The following CA5B variants were observed in gnomAD, a reference collection of about 807,000 sequenced individuals.
CA5B encodes carbonic anhydrase 5B, mitochondrial.
Under a neutral mutation model 23.1 loss-of-function variants are expected in CA5B, and 15 were observed. The ratio of observed to expected loss-of-function variants is 0.65; its 90% CI spans 0.43 to 1.00. The LOEUF is 1.00. Among genes scored for constraint, CA5B ranks in the 50% least tolerant of loss-of-function variants. The probability of loss-of-function intolerance (pLI) is 0.00; values close to 1 mark genes in which losing one functional copy is unlikely to be tolerated. For synonymous variants in CA5B, 84 were observed against 98.5 expected (o/e 0.85, Z 0.87); for missense variants, 236 against 252.2 (o/e 0.94, Z 0.43).
intron 3 of CA5B, among the ~76,000 whole-genome samples, chrX:15,771,041 T>TA (rs1421915970): frequency 2.8e-5 from 3 of 106,988 alleles, no homozygotes; most frequent in Non-Finnish European, 3.9e-5. Flanking sequence ...GTGCTAGGAT[T>TA]ACAGGCATGA....
At chrX:15,742,966 A>C (rs757306255) in intron 1 of CA5B, among the ~76,000 whole-genome samples, 1 of 112,493 alleles carries the variant, frequency 8.9e-6, no homozygotes, top group Admixed American at 9.4e-5. Flanking sequence ...TCATCTGATC[A>C]AAAATGTCAA....
At chrX:15,745,504 TTA>T (rs1435481765) in intron 1 of CA5B, 1 of 112,602 alleles carries the variant, frequency 8.9e-6, no homozygotes, top group Non-Finnish European at 1.9e-5. Context: ...ATGATAACTA[TTA>T]TATATGTTTT....
intron 4 of CA5B, 50 bp downstream of exon 4, chrX:15,772,664 A>G: frequency 2.8e-6 from 2 of 710,739 alleles, no homozygotes; most frequent in Non-Finnish European, 2.1e-6. Flanking sequence ...AGTGGGGATA[A>G]TTCTGAACTT....
Position 15,776,713 on chromosome X carries a change from G to C in CA5B, c.619-1G>C. The C allele has an allele frequency of 8.3e-7, 1 of 1,205,852 alleles. No individual in the cohort carries two copies. The highest frequency in any genetic ancestry group is 1.1e-6 in the Non-Finnish European group (1 of 890,543). On this transcript the variant is annotated splice_acceptor_variant, in intron 6 of 7. Coordinates refer to ENST00000318636, the MANE Select transcript of CA5B (RefSeq NM_007220.4). LOFTEE classifies it high-confidence loss of function. ...ACTCGGTTATCTCTTCTCTTGGCCAGGACGCCCTTGTGGAATTTGGGTCAT... is the reference window on the plus strand; with the variant it reads ...ACTCGGTTATCTCTTCTCTTGGCCACGACGCCCTTGTGGAATTTGGGTCAT...
At chrX:15,738,624 C>A (rs1931057786) in intron 1 of CA5B, among the ~76,000 whole-genome samples, 1 of 110,736 alleles carries the variant, frequency 9.0e-6, no homozygotes, top group Non-Finnish European at 1.9e-5. Flanking sequence ...TTGCACAGGA[C>A]GCGATAACAG....
chrX:15,752,918 T>C (rs1289474849), intron 2 of CA5B, among the ~76,000 whole-genome samples: 1 of 111,318 alleles, frequency 9.0e-6, no homozygotes, highest in African/African-American at 3.3e-5. Flanking sequence ...TTTCTACCAA[T>C]CCCAGGTCTT....
intron 3 of CA5B, among the ~76,000 whole-genome samples, chrX:15,771,833 A>G (rs1931827126): frequency 9.0e-6 from 1 of 110,696 alleles, no homozygotes; most frequent in Admixed American, 9.7e-5. Context: ...ATATCAAGCA[A>G]TGAAAATATC....
chrX:15,772,785 A>C (rs1046093891), intron 4 of CA5B, among the ~76,000 whole-genome samples, 171 bp downstream of exon 4: 2 of 112,349 alleles, frequency 1.8e-5, no homozygotes, highest in Non-Finnish European at 3.8e-5. Context: ...AACTTCTCTC[A>C]TCTCAAATAA....
At chrX:15,763,768 T>C (rs1427502329) in intron 2 of CA5B, among the ~76,000 whole-genome samples, 1 of 112,068 alleles carries the variant, frequency 8.9e-6, no homozygotes, top group African/African-American at 3.2e-5. Context: ...ACTGGTAGTA[T>C]GGGACAGTCC....
chrX:15,741,126 G>A (rs1238001302), intron 1 of CA5B, among the ~76,000 whole-genome samples: 1 of 108,698 alleles, frequency 9.2e-6, no homozygotes, highest in Admixed American at 9.7e-5. Context: ...GGAGTGCAGC[G>A]GCACAATCTC....
intron 1 of CA5B, among the ~76,000 whole-genome samples, chrX:15,747,333 C>T (rs993692577): frequency 3.6e-5 from 4 of 111,647 alleles, no homozygotes; most frequent in African/African-American, 6.5e-5. Flanking sequence ...CTCCAAAGCT[C>T]ATAGGTTACG....
Position 15,776,825 on chromosome X carries a change from A to G in CA5B, c.730A>G (p.Thr244Ala), listed in dbSNP as rs1264747674. ...LTTPPLSESV[T>A]WIIKKQPVEV... Reference sequence around the variant, plus strand: ...TACCCCACCCCTCTCCGAGTCTGTCACCTGGATCATTAAGAAGCAACCAGT... The same window carrying G: ...TACCCCACCCCTCTCCGAGTCTGTCGCCTGGATCATTAAGAAGCAACCAGT... The change falls in exon 7 of 8, where the codon ACC becomes GCC. Residue 244 changes from threonine to alanine, a missense_variant. By Grantham distance (58) the Thr-to-Ala change is moderately conservative. Coordinates refer to ENST00000318636, the MANE Select transcript of CA5B (RefSeq NM_007220.4). The G allele has an allele frequency of 8.3e-7, 1 of 1,210,008 alleles. No homozygotes were observed. Among genetic ancestry groups the G allele is most frequent in the Admixed American group, 2.2e-5 (1 of 46,004 alleles).
chrX:15,780,548 A>T (rs1788687574), intron 7 of CA5B, among the ~76,000 whole-genome samples: 1 of 112,035 alleles, frequency 8.9e-6, no homozygotes, highest in Admixed American at 9.5e-5. Flanking sequence ...CTGGGATTAC[A>T]GGTGTGAGCC....
At chrX:15,776,177 A>G in intron 6 of CA5B, 1 of 210,437 alleles carries the variant, frequency 4.8e-6, no homozygotes. Flanking sequence ...TCTCTCCTAA[A>G]AAATACAAAA....
intron 1 of CA5B, among the ~76,000 whole-genome samples, chrX:15,742,996 C>T (rs4830990): frequency 0.36 from 40,157 of 111,160 alleles, 5,292 homozygotes; most frequent in East Asian, 0.45. Flanking sequence ...GACTGAGAAA[C>T]CCTAACTTAG....
chrX:15,777,303 C>T (rs1268622898), intron 7 of CA5B, among the ~76,000 whole-genome samples: 1 of 111,547 alleles, frequency 9.0e-6, no homozygotes, highest in African/African-American at 3.2e-5. Context: ...TAATGTAAGT[C>T]CATTTTTTGA....
chrX:15,780,093 C>T (rs1440603955), intron 7 of CA5B, among the ~76,000 whole-genome samples: 2 of 111,005 alleles, frequency 1.8e-5, no homozygotes. Flanking sequence ...ATAATATTAT[C>T]CTAGTTGCCT....
At chrX:15,755,389 C>G (rs1054513839) in intron 2 of CA5B, among the ~76,000 whole-genome samples, 1 of 111,864 alleles carries the variant, frequency 8.9e-6, no homozygotes, top group Non-Finnish European at 1.9e-5. Context: ...TGATGATGCT[C>G]TAACAAGGCA....
chrX:15,752,594 G>A (rs1169585070), intron 2 of CA5B, among the ~76,000 whole-genome samples: 1 of 110,938 alleles, frequency 9.0e-6, no homozygotes, highest in Non-Finnish European at 1.9e-5. Context: ...GCGTGGTGGT[G>A]GGCGCCTGCA....
Sources: allele counts gnomAD v4.1 joint callset (sites outside exome capture counted in the v4.1 genomes callset), GRCh38; gene constraint gnomAD v4.1.1; transcripts MANE v1.5; gene names NCBI Gene and HGNC (gene_info 2026-07-23, HGNC 2026-07-21).